The following MUC3A variants were observed in gnomAD, a reference collection of about 807,000 sequenced individuals.
MUC3A encodes mucin-3A.
Under a neutral mutation model 109.0 loss-of-function variants are expected in MUC3A, and 109 were observed. The ratio of observed to expected loss-of-function variants is 1.00; its 90% CI spans 0.86 to 1.17. The LOEUF (loss-of-function observed/expected upper bound fraction) is 1.17. Among genes scored for constraint, MUC3A ranks in the 50% most tolerant of loss-of-function variants. The pLI, the probability that MUC3A is intolerant of heterozygous loss-of-function variation, is 0.00. For synonymous variants in MUC3A, 1,398 were observed against 981.4 expected (o/e 1.42, Z -7.93); for missense variants, 3,537 against 2,469.4 (o/e 1.43, Z -9.16).
At position 100,954,351 on chromosome 7, in the gene MUC3A, A is replaced by G. The variant is rs1792048554; in HGVS notation, c.2572A>G (p.Thr858Ala). 1 of 403,834 alleles carries G rather than the reference A, an allele frequency of 2.5e-6. No homozygotes were observed. The highest frequency in any genetic ancestry group is 1.2e-4 in the South Asian group (1 of 8,338). 25.0% of individuals were successfully genotyped at this position (403,834 alleles called of 1,614,324 possible). The change falls in exon 2 of 12, where the codon ACT (threonine) becomes GCT (alanine). Residue 858 changes from threonine to alanine, a missense_variant. Physicochemically the swap from Thr to Ala is moderately conservative, Grantham distance 58. Transcript: ENST00000379458. The stretch of plus-strand genomic sequence containing the variant: ...CTCTAACATGTCTGCAAGGCCAACA[A>G]CTGTCATTCCCTCATCTCCCACTGT... ...TVSNMSARPT[T>A]VIPSSPTVQN...
intron 8 of MUC3A, chr7:100,966,077 T>G: frequency 9.6e-6 from 6 of 625,998 alleles, no homozygotes; most frequent in Non-Finnish European, 1.2e-5. Context: ...TGTCCCCTAA[T>G]TCTGGGAGAG....
At position 100,960,575 on chromosome 7, in the gene MUC3A, C is replaced by T. The variant is rs773694523; in HGVS notation, c.8796C>T (p.Thr2932=). ...TPVATTQTPT[T]LTSRRTTRIT... ...TGGCCACTACCCAGACTCCTACCAC[C>T]CTTACATCACGCAGGACAACTCGCA... The change falls in exon 2 of 12, where the codon ACC becomes ACT. Residue 2932 remains threonine (T), a synonymous_variant. Transcript: ENST00000379458. The T allele has an allele frequency of 6.3e-6, 10 of 1,598,616 alleles. No individual in the cohort carries two copies. The highest frequency in any genetic ancestry group is 2.7e-5 in the African/African-American group (2 of 74,964).
rs1005813289 is a variant in MUC3A at position 100,957,854 on chromosome 7, C to T, written c.6075C>T (p.Ser2025=). 59 of 723,174 alleles carry T rather than the reference C, an allele frequency of 8.2e-5. No homozygotes were observed. The African/African-American group carries it at 1.2e-3, about 15-fold the overall frequency. 44.8% of individuals were successfully genotyped at this position (723,174 alleles called of 1,614,324 possible). Residue 2025 remains serine, a synonymous_variant, in exon 2 of 12, where the codon AGC becomes AGT. Transcript: ENST00000379458. ...TTETTSHNTP[S]LTSSITTTET... ...AGACCACATCCCACAATACTCCCAG[C>T]TTGACTTCTTCGATCACAACCACCG...
At chr7:100,965,388 T>A (rs966264093) in intron 7 of MUC3A, 41 bp downstream of exon 7, 1 of 1,582,230 alleles carries the variant, frequency 6.3e-7, no homozygotes, top group Non-Finnish European at 8.5e-7. Flanking sequence ...CCCGCGGCTA[T>A]GATCCGGGCT....
Position 100,967,845 on chromosome 7 carries a change from A to AC in MUC3A, c.*686dup, listed in dbSNP as rs1408479013. 0.82 allele frequency: 124,373 copies of AC among 151,016 alleles called. 49,007 individuals are homozygous for AC. The highest frequency in any genetic ancestry group is 1 in the East Asian group (5,184 of 5,194). 9.4% of individuals were successfully genotyped at this position (151,016 alleles called of 1,614,324 possible). A position where few individuals can be genotyped will look rare whatever the true frequency, so the allele number is the denominator to read the frequency against. On this transcript the variant is annotated 3_prime_UTR_variant, in exon 12 of 12. Transcript: ENST00000379458. ...ATAGATAGCCTCTGTGTCTTAGGATACCCAGGTGCTGTTCTCCCCGTCACC... is the reference window on the plus strand; with the variant it reads ...ATAGATAGCCTCTGTGTCTTAGGATACCCCAGGTGCTGTTCTCCCCGTCACC...
chr7:100,966,269 A>ACCCCCGAGCTTGCCCTAGGGTGGAAC, intron 8 of MUC3A, 117 bp from the exon 9 acceptor site: 1 of 984,760 alleles, frequency 1.0e-6, no homozygotes, highest in Non-Finnish European at 1.3e-6. Flanking sequence ...CTAGGGTGGA[A>ACCCCCGAGCTTGCCCTAGGGTGGAAC]CCCCCCGCTG....
At chr7:100,961,330 C>A (rs1438703957) in intron 3 of MUC3A, among the ~76,000 whole-genome samples, 1 of 94,806 alleles carries the variant, frequency 1.1e-5, no homozygotes. Flanking sequence ...TGTTGTCTTT[C>A]AGCGGCTCCA....
intron 7 of MUC3A, 159 bp from the exon 8 acceptor site, chr7:100,965,545 T>A: frequency 1.1e-5 from 15 of 1,418,118 alleles, no homozygotes; most frequent in Non-Finnish European, 1.4e-5. Flanking sequence ...GTGAGGGTGC[T>A]GCGGGTGGCC....
At position 100,966,474 on chromosome 7, in the gene MUC3A, G is replaced by T. The variant is rs1411336235; in HGVS notation, c.9700G>T (p.Gly3234Cys). 7.5e-7 allele frequency: 1 copy of T among 1,327,510 alleles called. No homozygotes were observed. Among genetic ancestry groups the T allele is most frequent in the African/African-American group, 1.5e-5 (1 of 66,454 alleles). 82.2% of individuals were successfully genotyped at this position (1,327,510 alleles called of 1,614,324 possible). The change falls in exon 9 of 12, where the codon GGC becomes TGC. Residue 3234 changes from glycine to cysteine, a missense_variant. Physicochemically the swap from Gly to Cys is radical, Grantham distance 159 (BLOSUM62 -3). Coordinates refer to ENST00000379458, the MANE Select transcript of MUC3A (RefSeq NM_005960.2). ...GGCGCTGGTCGGGGGCCTGACGGCC[G>T]GCGCCGCGCTGCTGGTGCTGCTGCT... The part of the protein sequence containing the change: ...WRALVGGLTA[G>C]AALLVLLLLA...
chr7:100,961,196 G>A (rs1019969365), intron 3 of MUC3A, among the ~76,000 whole-genome samples: 1 of 152,308 alleles, frequency 6.6e-6, no homozygotes, highest in African/African-American at 2.4e-5. Context: ...GTTTCCAACT[G>A]CTGCCGGGCC....
At chr7:100,966,049 T>TCGCCCTAAAGTGAGCCTCC in intron 8 of MUC3A, 183 bp downstream of exon 8, 1 of 855,048 alleles carries the variant, frequency 1.2e-6, no homozygotes, top group Non-Finnish European at 1.7e-6. Context: ...GCTCTGCTCC[T>TCGCCCTAAAGTGAGCCTCC]TTGATGGGGT....
chr7:100,966,739 A>G lies in MUC3A; in HGVS notation c.9873A>G (p.Gly3291=). ...CAAACTGGGGTTTCGAGGACGACGG[A>G]ACAGGTGAGTCCTGCCTCCTGGGGA... The part of the protein sequence containing the change: ...TFSNWGFEDD[G]TDKDTNFYVA... The change falls in exon 10 of 12, where the codon GGA becomes GGG. Residue 3291 remains glycine (G), a synonymous_variant. Transcript: ENST00000379458. 6.3e-7 allele frequency: 1 copy of G among 1,598,552 alleles called. No individual in the cohort carries two copies. Among genetic ancestry groups the G allele is most frequent in the South Asian group, 1.1e-5 (1 of 91,092 alleles).
chr7:100,964,962 G>T (rs2116221785), intron 6 of MUC3A, 119 bp downstream of exon 6: 1 of 1,437,620 alleles, frequency 7.0e-7, no homozygotes. Context: ...CAGGTTGGGA[G>T]AAGGGGAATA....
At chr7:100,964,660 G>A (rs779755454) in intron 5 of MUC3A, 35 bp from the exon 6 acceptor site, 1 of 1,579,342 alleles carries the variant, frequency 6.3e-7, no homozygotes, top group South Asian at 1.1e-5. Context: ...ATATGTTCCT[G>A]GCTGGGGCAC....
In MUC3A at chr7:100,958,821, AC is replaced by A; in HGVS notation, c.7044del (p.Glu2349ArgfsTer122). On this transcript the variant is annotated frameshift_variant, in exon 2 of 12. Coordinates refer to ENST00000379458, the MANE Select transcript of MUC3A (RefSeq NM_005960.2). LOFTEE classifies it high-confidence loss of function. ...CAGCTTCACTTCTTCGATCACCACC[AC>A]CGAGACCAACTCTCACAGTACTACC... is the stretch of plus-strand genomic sequence containing the variant. ...TRSFTSSITT[T>X]ETNSHSTTSF... 2 of 1,481,036 alleles carry A rather than the reference AC, an allele frequency of 1.4e-6. No homozygotes were observed. The highest frequency in any genetic ancestry group is 1.8e-6 in the Non-Finnish European group (2 of 1,110,652). The allele number at this position is 1,481,036 out of a possible 1,614,324, so 91.7% of individuals were successfully genotyped here.
chr7:100,953,992 C>G lies in MUC3A; in HGVS notation c.2213C>G (p.Thr738Ser), dbSNP rs1296351805. The G allele has an allele frequency of 1.4e-5, 6 of 444,296 alleles. No individual in the cohort carries two copies. Among genetic ancestry groups the G allele is most frequent in the African/African-American group, 1.0e-4 (5 of 49,378 alleles). The allele number at this position is 444,296 out of a possible 1,614,324, so 27.5% of individuals were successfully genotyped here. Residue 738 changes from threonine to serine, a missense_variant, in exon 2 of 12, where the codon ACT becomes AGT. Physicochemically the swap from Thr to Ser is moderately conservative, Grantham distance 58 (BLOSUM62 1). Transcript: ENST00000379458. ...YPTTMTETSS[T>S]ATSLPPTSPL... Reference sequence around the variant, plus strand: ...ACCACTATGACAGAGACATCATCCACTGCCACCTCTCTTCCACCCACCTCT... The same window carrying G: ...ACCACTATGACAGAGACATCATCCAGTGCCACCTCTCTTCCACCCACCTCT...
rs768521149 is a variant in MUC3A, at chr7:100,959,758, C to G, written c.7979C>G (p.Thr2660Arg). The G allele has an allele frequency of 1.3e-6, 2 of 1,598,042 alleles. No individual in the cohort carries two copies. The highest frequency in any genetic ancestry group is 2.7e-5 in the African/African-American group (2 of 74,952). Residue 2660 changes from threonine (T) to arginine (R), a missense_variant, in exon 2 of 12, where the codon ACA (threonine) becomes AGA (arginine). Physicochemically the swap from Thr to Arg is moderately conservative, Grantham distance 71. Transcript: ENST00000379458. Reference protein sequence around the residue: ...TSLTSTSEFTTESFTRGSTST... With the variant: ...TSLTSTSEFTRESFTRGSTST... ...CTCACATCTACAAGTGAGTTCACTA[C>G]AGAATCTTTCACTAGGGGAAGTACG...
intron 1 of MUC3A, among the ~76,000 whole-genome samples, chr7:100,951,615 TG>T (rs1293209511): frequency 2.6e-5 from 4 of 152,284 alleles, no homozygotes; most frequent in Non-Finnish European, 5.9e-5. Context: ...CGGTGAGGAA[TG>T]AGGGCTCCCA....
intron 6 of MUC3A, 79 bp from the exon 7 acceptor site, chr7:100,965,203 C>T: frequency 1.3e-6 from 2 of 1,560,584 alleles, no homozygotes; most frequent in Admixed American, 1.9e-5. Context: ...CTGTGCCTAT[C>T]CTGCCTCCTG....
Sources: allele counts gnomAD v4.1 joint callset (sites outside exome capture counted in the v4.1 genomes callset), GRCh38; gene constraint gnomAD v4.1.1; transcripts MANE v1.5; gene names NCBI Gene and HGNC (gene_info 2026-07-23, HGNC 2026-07-21).